ADGRL3: variants seen among roughly 807,000 people sequenced by gnomAD.
ADGRL3 encodes calcium-independent alpha-latrotoxin receptor 3.
A neutral mutation model predicts 153.5 loss-of-function variants in ADGRL3; 62 were observed. That is an observed-to-expected ratio of 0.40 (90% CI 0.33 to 0.50). The LOEUF (loss-of-function observed/expected upper bound fraction) is 0.50. ADGRL3 is among the 20% of genes least tolerant of loss of function. The probability of loss-of-function intolerance (pLI) is 0.47; values close to 1 mark genes in which losing one functional copy is unlikely to be tolerated. For missense variants in ADGRL3, 1,641 were observed against 1,859.4 expected, an observed-to-expected ratio of 0.88 and a Z score of 2.16; for synonymous variants, 710 against 672.5, an observed-to-expected ratio of 1.06 and a Z score of -0.86.
At chr4:61,641,320 G>C (rs1194631206) in intron 5 of ADGRL3, among the ~76,000 whole-genome samples, 1 of 150,646 alleles carries the variant, frequency 6.6e-6, no homozygotes, top group Non-Finnish European at 1.5e-5. Flanking sequence ...TGTACTTTAA[G>C]TTTTGGGGTA....
At chr4:61,267,043 A>C (rs908583027) in intron 1 of ADGRL3, among the ~76,000 whole-genome samples, 1 of 151,766 alleles carries the variant, frequency 6.6e-6, no homozygotes, top group African/African-American at 2.4e-5. Context: ...AGTAGGTTTG[A>C]TGTATTGAAT....
In ADGRL3 at chr4:61,467,824, A is replaced by G. The variant is rs180914771; in HGVS notation, c.-173-29297A>G. On this transcript the variant is annotated intron_variant, in intron 2 of 26. Coordinates refer to ENST00000683033, the MANE Select transcript of ADGRL3 (RefSeq NM_001387552.1). Reference sequence around the variant, plus strand: ...ATCATATTACTTGTTCTTTTCTTCAAACATCTGTTACTATCCTTATAAAAT... The same window carrying G: ...ATCATATTACTTGTTCTTTTCTTCAGACATCTGTTACTATCCTTATAAAAT... Among the ~76,000 whole-genome samples the G allele has an allele frequency of 2.6e-5, 4 of 152,262 alleles. No individual in the cohort carries two copies. The East Asian group carries it at 7.7e-4, about 29-fold the overall frequency.
chr4:61,578,541 A>G (rs955075180), intron 4 of ADGRL3, among the ~76,000 whole-genome samples: 1 of 152,014 alleles, frequency 6.6e-6, no homozygotes, highest in African/African-American at 2.4e-5. Context: ...ATATTATATC[A>G]TAATCTTTTA....
At chr4:61,497,388 C>T (rs746018239) in intron 3 of ADGRL3, 40 bp downstream of exon 3, 1 of 1,338,900 alleles carries the variant, frequency 7.5e-7, no homozygotes, top group Non-Finnish European at 1.1e-6. Context: ...TTAATGTTGT[C>T]TCACTTATTC....
intron 21 of ADGRL3, among the ~76,000 whole-genome samples, chr4:62,002,047 C>T (rs2099142278): frequency 6.6e-6 from 1 of 151,946 alleles, no homozygotes; most frequent in Admixed American, 6.6e-5. Flanking sequence ...CCACTGTTTT[C>T]TTTAAGCCAC....
chr4:61,241,599 G>C (rs1473449710), intron 1 of ADGRL3, among the ~76,000 whole-genome samples: 1 of 151,952 alleles, frequency 6.6e-6, no homozygotes, highest in Non-Finnish European at 1.5e-5. Context: ...AACAAAATGT[G>C]CAGTTTGAAT....
chr4:61,370,776 G>T (rs995228204), intron 1 of ADGRL3, among the ~76,000 whole-genome samples: 1 of 152,038 alleles, frequency 6.6e-6, no homozygotes, highest in Admixed American at 6.6e-5. Context: ...TTCAATTCCT[G>T]GGTATCCTTG....
intron 1 of ADGRL3, among the ~76,000 whole-genome samples, chr4:61,372,296 C>G (rs1425889129): frequency 1.3e-5 from 2 of 151,568 alleles, no homozygotes; most frequent in African/African-American, 2.4e-5. Flanking sequence ...TTTGGAGGAG[C>G]AGAGGCGCTC....
At chr4:61,753,901 C>T (rs566843057) in intron 8 of ADGRL3, among the ~76,000 whole-genome samples, 2 of 152,118 alleles carry the variant, frequency 1.3e-5, no homozygotes, top group African/African-American at 2.4e-5. Flanking sequence ...CTTTTAAAAG[C>T]GCCTGGAGGC....
chr4:62,045,210 TCC>T (rs1730483352), intron 25 of ADGRL3, among the ~76,000 whole-genome samples: 1 of 151,920 alleles, frequency 6.6e-6, no homozygotes, highest in East Asian at 1.9e-4. Flanking sequence ...TCTCTCTCTC[TCC>T]CTTTCTCTGT....
chr4:61,458,477 A>C (rs1268801622), intron 2 of ADGRL3, among the ~76,000 whole-genome samples: 1 of 151,226 alleles, frequency 6.6e-6, no homozygotes, highest in Non-Finnish European at 1.5e-5. Flanking sequence ...CTAATTATAT[A>C]TATGGTTTAG....
intron 5 of ADGRL3, among the ~76,000 whole-genome samples, chr4:61,637,750 A>G (rs1225160640): frequency 6.6e-6 from 1 of 152,136 alleles, no homozygotes; most frequent in Non-Finnish European, 1.5e-5. Context: ...GACAGAGTGA[A>G]ACTCTGTTCC....
chr4:61,561,199 G>T (rs1007689652), intron 4 of ADGRL3, among the ~76,000 whole-genome samples: 3 of 152,120 alleles, frequency 2.0e-5, no homozygotes, highest in African/African-American at 7.2e-5. Flanking sequence ...TTTGGTAGAA[G>T]ATAGAAGAGG....
intron 1 of ADGRL3, among the ~76,000 whole-genome samples, chr4:61,217,230 A>G (rs938107446): frequency 1.3e-5 from 2 of 152,218 alleles, no homozygotes; most frequent in African/African-American, 4.8e-5. Flanking sequence ...GTGCTACAGA[A>G]GACAAGTCCA....
chr4:61,555,325 T>G (rs2098760270), intron 4 of ADGRL3, among the ~76,000 whole-genome samples: 1 of 152,320 alleles, frequency 6.6e-6, no homozygotes, highest in African/African-American at 2.4e-5. Flanking sequence ...TAGACCTATT[T>G]TAATTTTACC....
At chr4:61,399,517 C>A (rs9654272) in intron 2 of ADGRL3, among the ~76,000 whole-genome samples, 1 of 151,244 alleles carries the variant, frequency 6.6e-6, no homozygotes, top group African/African-American at 2.4e-5. Context: ...TTTACAAATG[C>A]CATGTGTGCA....
Position 61,725,552 on chromosome 4 carries a change from G to A in ADGRL3, c.584-5070G>A, listed in dbSNP as rs185572187. Among the ~76,000 whole-genome samples, 70 of 147,370 alleles carry A rather than the reference G, an allele frequency of 4.7e-4. 1 individual carries two copies. In the East Asian group the frequency reaches 0.012, roughly 26 times the overall value. On this transcript the variant is annotated intron_variant, in intron 6 of 26. Transcript: ENST00000683033. ...AGAGCTTGCAGTGAGCCAAGATTGCGCCATTGCACTGCAGCCTGGGCAACA... is the reference window on the plus strand; with the variant it reads ...AGAGCTTGCAGTGAGCCAAGATTGCACCATTGCACTGCAGCCTGGGCAACA...
chr4:61,704,474 T>A (rs1561093197), intron 6 of ADGRL3, among the ~76,000 whole-genome samples: 1 of 152,206 alleles, frequency 6.6e-6, no homozygotes, highest in African/African-American at 2.4e-5. Context: ...ATTCTAATGA[T>A]CATCCAAGCC....
At chr4:61,355,696 T>C (rs1484343880) in intron 1 of ADGRL3, among the ~76,000 whole-genome samples, 2 of 152,142 alleles carry the variant, frequency 1.3e-5, no homozygotes, top group Non-Finnish European at 2.9e-5. Context: ...CCATAAAATA[T>C]GTAGATAGTG....
Sources: gnomAD v4.1 joint callset for allele counts (sites outside exome capture counted in the v4.1 genomes callset) on GRCh38, gnomAD v4.1.1 for gene constraint, MANE v1.5 for transcripts, NCBI Gene and HGNC (gene_info 2026-07-23, HGNC 2026-07-21) for gene names.